The following TACC2 variants were observed in gnomAD, a reference collection of about 807,000 sequenced individuals.
TACC2 encodes transforming acidic coiled-coil containing protein 2.
In TACC2, 137 loss-of-function variants were observed where a neutral mutation model predicts 227.3. That is an observed-to-expected ratio of 0.60 (90% CI 0.52 to 0.69). The LOEUF (loss-of-function observed/expected upper bound fraction) is 0.69. TACC2 is among the 30% of genes least tolerant of loss of function. The probability of loss-of-function intolerance (pLI) is 0.00; values close to 1 mark genes in which losing one functional copy is unlikely to be tolerated. For synonymous variants in TACC2, 1,523 were observed against 1,487.5 expected (o/e 1.02, Z -0.55); for missense variants, 3,470 against 3,694.4 (o/e 0.94, Z 1.57).
intron 1 of TACC2, among the ~76,000 whole-genome samples, chr10:122,006,539 G>T (rs1015011736): frequency 9.2e-5 from 14 of 152,096 alleles, no homozygotes; most frequent in African/African-American, 3.4e-4. Flanking sequence ...CTTCTTGTCT[G>T]GAGGGCTTTT....
chr10:122,211,212 G>C lies in TACC2; in HGVS notation c.6787G>C (p.Val2263Leu). ...QEDSPAKGLS[V>L]RLEFDYSEDK... Reference sequence around the variant, plus strand: ...GGACTCTCCAGCCAAAGGGCTCTCCGTAAGGCTGGAGTTTGACTATTCTGA... The same window carrying C: ...GGACTCTCCAGCCAAAGGGCTCTCCCTAAGGCTGGAGTTTGACTATTCTGA... The change falls in exon 9 of 23, where the codon GTA (valine) becomes CTA (leucine). Residue 2263 changes from valine (V) to leucine (L), a missense_variant. Transcript: ENST00000369005. The C allele has an allele frequency of 6.2e-7, 1 of 1,614,064 alleles. No individual in the cohort carries two copies. Among genetic ancestry groups the C allele is most frequent in the South Asian group, 1.1e-5 (1 of 91,056 alleles).
chr10:122,227,790 G>A (rs2095657725), intron 13 of TACC2, 47 bp from the exon 14 acceptor site: 5 of 1,569,694 alleles, frequency 3.2e-6, no homozygotes, highest in Middle Eastern at 1.7e-4. Flanking sequence ...ATTTCAGTGG[G>A]TTTCCCAATG....
At position 122,087,798 on chromosome 10, in the gene TACC2, G is replaced by A; in HGVS notation, c.5298G>A (p.Gly1766=). 1 of 1,587,236 alleles carries A rather than the reference G, an allele frequency of 6.3e-7. No homozygotes were observed. Among genetic ancestry groups the A allele is most frequent in the Non-Finnish European group, 8.6e-7 (1 of 1,165,322 alleles). Residue 1766 remains glycine (G), a synonymous_variant, in exon 4 of 23, where the codon GGG becomes GGA. Coordinates refer to ENST00000369005, the MANE Select transcript of TACC2 (RefSeq NM_206862.4). ...PGMEGTAALH[G]DSPARPQQAK... Reference sequence around the variant, plus strand: ...TGGAGGGTACAGCTGCCCTTCATGGGGACAGCCCAGCCAGGCCCCAGCAGG... The same window carrying A: ...TGGAGGGTACAGCTGCCCTTCATGGAGACAGCCCAGCCAGGCCCCAGCAGG...
chr10:122,205,466 C>T lies in TACC2; in HGVS notation c.5972-4931C>T, dbSNP rs1022138366. ...ATGCCTCACGCCTCTGGGGTAAAAA[C>T]CCCACAGGAACTTGGAGCTCAAAGG... is the stretch of plus-strand genomic sequence containing the variant. On this transcript the variant is annotated intron_variant, in intron 8 of 22. Transcript: ENST00000369005. The surrounding 1 kb of genome is among the most constrained non-coding windows in gnomAD (Gnocchi z 4.5). Among the ~76,000 whole-genome samples the T allele has an allele frequency of 6.6e-6, 1 of 152,182 alleles. No homozygotes were observed. Among genetic ancestry groups the T allele is most frequent in the African/African-American group, 2.4e-5 (1 of 41,448 alleles).
rs114501786 is a variant in TACC2, at chr10:122,132,717, G to T, written c.5682G>T (p.Thr1894=). The T allele has an allele frequency of 6.2e-7, 1 of 1,614,008 alleles. No homozygotes were observed. The highest frequency in any genetic ancestry group is 8.5e-7 in the Non-Finnish European group (1 of 1,180,032). The part of the protein sequence containing the change: ...YHGDVVGQVS[T]DLIAQSISPA... Reference sequence around the variant, plus strand: ...GTGATGTTGTTGGCCAGGTCTCTACGGATCTGATAGCCCAGAGGTACGGTG... The same window carrying T: ...GTGATGTTGTTGGCCAGGTCTCTACTGATCTGATAGCCCAGAGGTACGGTG... The change falls in exon 6 of 23, where the codon ACG becomes ACT. Residue 1894 remains threonine, a synonymous_variant. Transcript: ENST00000369005.
At chr10:122,003,936 A>G (rs960830767) in intron 1 of TACC2, among the ~76,000 whole-genome samples, 2 of 151,786 alleles carry the variant, frequency 1.3e-5, no homozygotes, top group East Asian at 2.0e-4. Context: ...GATTACAGGC[A>G]TGAGCTACTG....
chr10:122,131,253 C>T (rs35909191), intron 5 of TACC2, among the ~76,000 whole-genome samples: 20,736 of 151,480 alleles, frequency 0.14, 1,733 homozygotes, highest in African/African-American at 0.23. Context: ...AGGCAGGGAC[C>T]GCTGCTCTCT....
chr10:122,060,182 G>T (rs1021426126), intron 3 of TACC2, among the ~76,000 whole-genome samples: 6 of 152,170 alleles, frequency 3.9e-5, no homozygotes, highest in African/African-American at 1.4e-4. Flanking sequence ...TGGCGAGGTG[G>T]GCAGGGGCCT....
At chr10:122,164,965 T>G (rs541491506) in intron 7 of TACC2, among the ~76,000 whole-genome samples, 133 of 152,274 alleles carry the variant, frequency 8.7e-4, no homozygotes, top group Non-Finnish European at 1.6e-3. Flanking sequence ...ACTTCCTCAC[T>G]GGTCCCTCGA....
intron 7 of TACC2, among the ~76,000 whole-genome samples, chr10:122,159,204 G>A (rs2092675552): frequency 1.3e-5 from 2 of 152,204 alleles, no homozygotes; most frequent in Non-Finnish European, 2.9e-5. Flanking sequence ...ACCTGGCCGT[G>A]CTCCAATGCT....
chr10:122,162,940 T>G (rs1327648726), intron 7 of TACC2, among the ~76,000 whole-genome samples: 1 of 152,070 alleles, frequency 6.6e-6, no homozygotes, highest in Non-Finnish European at 1.5e-5. Flanking sequence ...GCACAGGGCT[T>G]GGCTTTGTGG....
chr10:122,121,250 T>C (rs1182541379), intron 5 of TACC2, among the ~76,000 whole-genome samples: 2 of 152,238 alleles, frequency 1.3e-5, no homozygotes, highest in East Asian at 3.9e-4. Context: ...GTGTTTGTCT[T>C]AATGACGCCA....
At chr10:122,027,479 A>C (rs1430930815) in intron 2 of TACC2, among the ~76,000 whole-genome samples, 3 of 151,818 alleles carry the variant, frequency 2.0e-5, no homozygotes, top group Admixed American at 6.6e-5. Flanking sequence ...TTCTAACAAC[A>C]TTTGTTAGAG....
chr10:122,229,137 G>A (rs2095685287), intron 14 of TACC2, among the ~76,000 whole-genome samples: 1 of 152,042 alleles, frequency 6.6e-6, no homozygotes, highest in African/African-American at 2.4e-5. Context: ...TTTGGGGAGG[G>A]GGTCGGGTCT....
intron 1 of TACC2, among the ~76,000 whole-genome samples, chr10:122,017,202 G>A (rs916268300): frequency 2.0e-5 from 3 of 152,190 alleles, no homozygotes; most frequent in Non-Finnish European, 2.9e-5. Flanking sequence ...CCAGGCATTC[G>A]TGTGGGCCGC....
intron 22 of TACC2, among the ~76,000 whole-genome samples, chr10:122,251,267 A>C (rs2096249303): frequency 6.6e-6 from 1 of 152,166 alleles, no homozygotes; most frequent in Admixed American, 6.5e-5. Flanking sequence ...GCTACTAGAC[A>C]GTTTTAATAT....
At chr10:122,208,958 G>T (rs770967934) in intron 8 of TACC2, among the ~76,000 whole-genome samples, 8 of 152,258 alleles carry the variant, frequency 5.3e-5, no homozygotes, top group Non-Finnish European at 1.2e-4. Flanking sequence ...GAAAGATGCC[G>T]CTGGGTGCCA....
At chr10:122,202,213 A>G (rs2094889450) in intron 8 of TACC2, among the ~76,000 whole-genome samples, 1 of 150,910 alleles carries the variant, frequency 6.6e-6, no homozygotes, top group African/African-American at 2.4e-5. Context: ...CGCTATGTAC[A>G]ATGGCTTTCA....
chr10:122,056,751 T>C (rs2076248477), intron 3 of TACC2, among the ~76,000 whole-genome samples: 2 of 152,032 alleles, frequency 1.3e-5, no homozygotes, highest in African/African-American at 2.4e-5. Context: ...AGGAAGTGAG[T>C]GCAGACCCAG....
Sources: allele counts gnomAD v4.1 joint callset (sites outside exome capture counted in the v4.1 genomes callset), GRCh38; gene constraint gnomAD v4.1.1; non-coding constraint Gnocchi (gnomAD v3.1); transcripts MANE v1.5; gene names NCBI Gene and HGNC (gene_info 2026-07-23, HGNC 2026-07-21).